AUTS2: variants seen among roughly 807,000 people sequenced by gnomAD.
The protein encoded by AUTS2 is activator of transcription and developmental regulator AUTS2.
AUTS2 carries 17 observed loss-of-function variants against 112.4 expected under a neutral mutation model. That is an observed-to-expected ratio of 0.15 (90% CI 0.10 to 0.23). AUTS2 has a LOEUF of 0.23. Ranked by LOEUF, AUTS2 falls within the 10% of genes least tolerant of loss-of-function variation. The pLI is 1.00. For synonymous variants in AUTS2, 751 were observed against 702.7 expected, an observed-to-expected ratio of 1.07 and a Z score of -1.09; for missense variants, 1,510 against 1,701.6, an observed-to-expected ratio of 0.89 and a Z score of 1.98.
chr7:70,730,266 C>G (rs1327596974), intron 6 of AUTS2, among the ~76,000 whole-genome samples: 1 of 151,910 alleles, frequency 6.6e-6, no homozygotes, highest in Non-Finnish European at 1.5e-5. Context: ...TTTAGTTAGA[C>G]TTCACAGACC....
At chr7:70,588,789 G>A (rs1004974676) in intron 5 of AUTS2, among the ~76,000 whole-genome samples, 2 of 152,080 alleles carry the variant, frequency 1.3e-5, no homozygotes, top group African/African-American at 4.8e-5. Flanking sequence ...ATCAAATAGT[G>A]CTGTACAGAT....
intron 1 of AUTS2, among the ~76,000 whole-genome samples, chr7:69,776,026 G>T (rs1788878764): frequency 6.6e-6 from 1 of 152,134 alleles, no homozygotes; most frequent in South Asian, 2.1e-4. Flanking sequence ...GGTCACTCCT[G>T]TGGTCTCTAG....
intron 2 of AUTS2, among the ~76,000 whole-genome samples, chr7:70,107,101 G>A (rs1315151717): frequency 2.0e-5 from 3 of 152,054 alleles, no homozygotes; most frequent in Non-Finnish European, 2.9e-5. Flanking sequence ...CCAGGATGAA[G>A]ACTTCTTAAA....
intron 5 of AUTS2, among the ~76,000 whole-genome samples, chr7:70,671,787 C>T (rs1807659750): frequency 6.6e-6 from 1 of 152,202 alleles, no homozygotes; most frequent in Non-Finnish European, 1.5e-5. Context: ...TTTGCGTTGT[C>T]AACCTGGAAG....
intron 16 of AUTS2, 65 bp downstream of exon 16, chr7:70,785,084 G>A: frequency 6.4e-7 from 1 of 1,550,500 alleles, no homozygotes; most frequent in Non-Finnish European, 8.9e-7. Context: ...TGTTTACCAT[G>A]CTCCCGCTGC....
At chr7:69,933,300 T>A (rs761103430) in intron 2 of AUTS2, among the ~76,000 whole-genome samples, 3 of 152,210 alleles carry the variant, frequency 2.0e-5, no homozygotes, top group Admixed American at 6.5e-5. Context: ...AATAAGTACA[T>A]GTATATATTT....
At chr7:69,817,182 A>G (rs965973511) in intron 1 of AUTS2, among the ~76,000 whole-genome samples, 2 of 152,238 alleles carry the variant, frequency 1.3e-5, no homozygotes, top group South Asian at 2.1e-4. Flanking sequence ...TCTGATGCAA[A>G]TATGAAAATA....
rs182731589 is a variant in AUTS2, at chr7:70,297,378, G to T, written c.661-138374G>T. 2.4e-3 allele frequency among the ~76,000 whole-genome samples: 371 copies of T among 151,754 alleles called. 3 individuals are homozygous for T. The highest frequency in any genetic ancestry group is 8.5e-3 in the African/African-American group (351 of 41,402). ...GTTTCAGAGAAGAGATGGCATTGATGTAAGTCTTGAAGAAGTTAGAGCTCA... is the reference window on the plus strand; with the variant it reads ...GTTTCAGAGAAGAGATGGCATTGATTTAAGTCTTGAAGAAGTTAGAGCTCA... On this transcript the variant is annotated intron_variant, in intron 4 of 18. Coordinates refer to ENST00000342771, the MANE Select transcript of AUTS2 (RefSeq NM_015570.4).
rs780875317 is a variant in AUTS2 at position 70,784,927 on chromosome 7, T to C, written c.2147-15T>C. 4 of 1,613,848 alleles carry C rather than the reference T, an allele frequency of 2.5e-6. No homozygotes were observed. The highest frequency in any genetic ancestry group is 1.1e-5 in the South Asian group (1 of 91,066). Reference sequence around the variant, plus strand: ...CTTTTTGTAAACTCTGGTTTCGTTATGTTTGACTTAACAGGTGCTGCACAC... The same window carrying C: ...CTTTTTGTAAACTCTGGTTTCGTTACGTTTGACTTAACAGGTGCTGCACAC... On this transcript the variant is annotated splice_polypyrimidine_tract_variant and intron_variant, in intron 15 of 18. Coordinates refer to ENST00000342771, the MANE Select transcript of AUTS2 (RefSeq NM_015570.4).
At chr7:70,440,604 T>A (rs774680051) in intron 5 of AUTS2, among the ~76,000 whole-genome samples, 3 of 152,106 alleles carry the variant, frequency 2.0e-5, no homozygotes, top group Non-Finnish European at 4.4e-5. Context: ...TTCCCCAGAA[T>A]CTGAGGCTCA....
At chr7:70,414,544 C>G (rs1794912198) in intron 4 of AUTS2, among the ~76,000 whole-genome samples, 1 of 152,150 alleles carries the variant, frequency 6.6e-6, no homozygotes, top group South Asian at 2.1e-4. Context: ...CTGCATTCAT[C>G]TGACAGGCCT....
At chr7:70,332,968 T>C (rs755066359) in intron 4 of AUTS2, among the ~76,000 whole-genome samples, 2 of 152,098 alleles carry the variant, frequency 1.3e-5, no homozygotes, top group Non-Finnish European at 2.9e-5. Flanking sequence ...ACAAATGGGA[T>C]CTAATTAACT....
chr7:70,738,952 G>A (rs1426403468), intron 6 of AUTS2, among the ~76,000 whole-genome samples: 1 of 142,606 alleles, frequency 7.0e-6, no homozygotes, highest in African/African-American at 2.5e-5. Flanking sequence ...CTACTCAGAA[G>A]GTTTTAACTT....
At chr7:70,101,466 G>A in intron 2 of AUTS2, among the ~76,000 whole-genome samples, 1 of 151,836 alleles carries the variant, frequency 6.6e-6, no homozygotes, top group East Asian at 1.9e-4. Flanking sequence ...AGGCTGAGGT[G>A]GGCAGATCAC....
At chr7:69,692,115 G>A (rs757127875) in intron 1 of AUTS2, among the ~76,000 whole-genome samples, 5 of 152,176 alleles carry the variant, frequency 3.3e-5, no homozygotes, top group Non-Finnish European at 7.3e-5. Flanking sequence ...TGTGCTGCCA[G>A]TGGGCGTTTG....
At chr7:70,176,858 T>A (rs1809016100) in intron 4 of AUTS2, among the ~76,000 whole-genome samples, 1 of 152,328 alleles carries the variant, frequency 6.6e-6, no homozygotes, top group East Asian at 1.9e-4. Context: ...GATAACGGAA[T>A]TTGGACTGCT....
intron 1 of AUTS2, among the ~76,000 whole-genome samples, chr7:69,740,897 A>T (rs1224380482): frequency 6.6e-6 from 1 of 152,158 alleles, no homozygotes; most frequent in Non-Finnish European, 1.5e-5. Context: ...TATGAGAAAG[A>T]GCTTTTGCCC....
Position 69,984,226 on chromosome 7 carries a change from A to C in AUTS2, c.522+84728A>C, listed in dbSNP as rs1003674741. On this transcript the variant is annotated intron_variant, in intron 2 of 18. Coordinates refer to ENST00000342771, the MANE Select transcript of AUTS2 (RefSeq NM_015570.4). ...AGGTCAGGAGATCGAGACCACGGTGAAACCCCGTCTCTACTAAAAATACAA... is the reference window on the plus strand; with the variant it reads ...AGGTCAGGAGATCGAGACCACGGTGCAACCCCGTCTCTACTAAAAATACAA... Among the ~76,000 whole-genome samples the C allele has an allele frequency of 2.2e-4, 33 of 151,998 alleles. 1 individual carries two copies. The highest frequency in any genetic ancestry group is 3.8e-4 in the Non-Finnish European group (26 of 67,978).
intron 1 of AUTS2, among the ~76,000 whole-genome samples, chr7:69,797,410 C>T (rs1789893362): frequency 6.6e-6 from 1 of 152,214 alleles, no homozygotes; most frequent in South Asian, 2.1e-4. Flanking sequence ...CCAGTGCCCA[C>T]TCAGTATTTC....
Sources: gnomAD v4.1 joint callset for allele counts (sites outside exome capture counted in the v4.1 genomes callset) on GRCh38, gnomAD v4.1.1 for gene constraint, MANE v1.5 for transcripts, NCBI Gene and HGNC (gene_info 2026-07-23, HGNC 2026-07-21) for gene names.